FBXW7: variants seen among roughly 807,000 people sequenced by gnomAD.
The protein encoded by FBXW7 is F-box/WD repeat-containing protein 7.
Under a neutral mutation model 86.3 loss-of-function variants are expected in FBXW7, and 11 were observed. That is an observed-to-expected ratio of 0.13 (90% CI 0.08 to 0.21). The LOEUF (loss-of-function observed/expected upper bound fraction) is 0.21. Ranked by LOEUF, FBXW7 falls within the 10% of genes least tolerant of loss-of-function variation. FBXW7 has a pLI of 1.00. For synonymous variants in FBXW7, 313 were observed against 297.9 expected (o/e 1.05, Z -0.52); for missense variants, 488 against 847.4 (o/e 0.58, Z 5.27).
intron 4 of FBXW7, among the ~76,000 whole-genome samples, chr4:152,380,481 T>C (rs1463475734): frequency 1.3e-5 from 2 of 151,988 alleles, no homozygotes; most frequent in East Asian, 1.9e-4. Flanking sequence ...AATTTTAATA[T>C]GAATTTCATT....
chr4:152,457,493 A>C (rs967065269), intron 2 of FBXW7, among the ~76,000 whole-genome samples: 38 of 152,018 alleles, frequency 2.5e-4, no homozygotes, highest in African/African-American at 8.9e-4. Context: ...ATACAAAAAA[A>C]ATTAGCTGGG....
chr4:152,351,080 A>G (rs560026080), intron 4 of FBXW7, among the ~76,000 whole-genome samples: 1 of 152,172 alleles, frequency 6.6e-6, no homozygotes, highest in East Asian at 1.9e-4. Context: ...TAATCACTGT[A>G]TTACTGCAAG....
chr4:152,479,727 T>C (rs2149667071), intron 2 of FBXW7, among the ~76,000 whole-genome samples: 2 of 152,282 alleles, frequency 1.3e-5, no homozygotes, highest in Middle Eastern at 6.8e-3. Flanking sequence ...GAACATGGTA[T>C]CAGGCTGTCC....
intron 2 of FBXW7, among the ~76,000 whole-genome samples, chr4:152,475,727 T>A (rs1212227062): frequency 6.6e-6 from 1 of 152,052 alleles, no homozygotes; most frequent in Non-Finnish European, 1.5e-5. Context: ...AGTTAGTACA[T>A]CAAAAATTTT....
intron 4 of FBXW7, among the ~76,000 whole-genome samples, chr4:152,363,727 G>C (rs1167610781): frequency 6.6e-6 from 1 of 152,026 alleles, no homozygotes; most frequent in Non-Finnish European, 1.5e-5. Context: ...ACTCTTCCTA[G>C]GTGTTTTTCT....
chr4:152,530,139 A>G (rs1749895200), intron 2 of FBXW7: 1 of 151,434 alleles, frequency 6.6e-6, no homozygotes, highest in Admixed American at 6.6e-5. Flanking sequence ...ATATATACGT[A>G]TATATATGTA....
chr4:152,466,668 C>T (rs1053442863), intron 2 of FBXW7, among the ~76,000 whole-genome samples: 5 of 152,038 alleles, frequency 3.3e-5, no homozygotes, highest in African/African-American at 1.2e-4. Context: ...CTGGGTTGGG[C>T]GTGGTGGCTC....
Position 152,404,897 on chromosome 4 carries a change from AG to A in FBXW7, c.501+6405del. On this transcript the variant is annotated intron_variant, in intron 4 of 13. Transcript: ENST00000281708. The stretch of plus-strand genomic sequence containing the variant: ...CACCAGAGCTCAGGAGTTTGAGACC[AG>A]GGTGGGCAACATAGTAAGACCTTGT... Among the ~76,000 whole-genome samples the A allele has an allele frequency of 2.0e-5, 3 of 152,194 alleles. No homozygotes were observed. The East Asian group carries it at 5.8e-4, about 29-fold the overall frequency.
chr4:152,355,601 A>G (rs1732294253), intron 4 of FBXW7, among the ~76,000 whole-genome samples: 1 of 152,138 alleles, frequency 6.6e-6, no homozygotes, highest in South Asian at 2.1e-4. Flanking sequence ...CATTTCTCCC[A>G]TTCTATAAAA....
intron 2 of FBXW7, among the ~76,000 whole-genome samples, chr4:152,428,960 C>T (rs1240078645): frequency 5.3e-5 from 8 of 152,118 alleles, no homozygotes; most frequent in Admixed American, 1.3e-4. Flanking sequence ...GAGGCCAAGG[C>T]GGGTGGATCA....
In FBXW7 at chr4:152,324,398, CA is replaced by C; in HGVS notation, c.1645-5del. ...TCACCACATGGATACCATCAAACTA[CA>C]AAAGACACAGTTTATTAGAATAGAA... On this transcript the variant is annotated splice_region_variant and splice_polypyrimidine_tract_variant and intron_variant, in intron 12 of 13. Coordinates refer to ENST00000281708, the MANE Select transcript of FBXW7 (RefSeq NM_001349798.2). 2 of 1,574,168 alleles carry C rather than the reference CA, an allele frequency of 1.3e-6. No homozygotes were observed. Among genetic ancestry groups the C allele is most frequent in the South Asian group, 2.3e-5 (2 of 87,372 alleles).
chr4:152,486,510 CACAA>C (rs1234058391), intron 2 of FBXW7, among the ~76,000 whole-genome samples: 2 of 152,032 alleles, frequency 1.3e-5, no homozygotes, highest in South Asian at 2.1e-4. Context: ...AAACCTAAGA[CACAA>C]ACAAACACAT....
At chr4:152,437,879 A>C (rs996628874) in intron 2 of FBXW7, among the ~76,000 whole-genome samples, 13 of 152,188 alleles carry the variant, frequency 8.5e-5, no homozygotes, top group African/African-American at 3.1e-4. Context: ...TTTTTTAGCA[A>C]TCAAGTATTT....
chr4:152,500,829 T>G (rs557031487), intron 2 of FBXW7, among the ~76,000 whole-genome samples: 8 of 152,258 alleles, frequency 5.3e-5, no homozygotes, highest in African/African-American at 1.4e-4. Flanking sequence ...ATTTAAAAAG[T>G]GGGTATTTAT....
intron 4 of FBXW7, among the ~76,000 whole-genome samples, chr4:152,380,462 T>A (rs1387175521): frequency 6.6e-6 from 1 of 151,902 alleles, no homozygotes; most frequent in Non-Finnish European, 1.5e-5. Context: ...TTTTTAAATA[T>A]CTTCTAAAAA....
intron 2 of FBXW7, among the ~76,000 whole-genome samples, chr4:152,517,111 C>T (rs975080157): frequency 6.6e-6 from 1 of 152,212 alleles, no homozygotes; most frequent in African/African-American, 2.4e-5. Context: ...GCATGAGCTA[C>T]CGTGCCAGGC....
Position 152,445,433 on chromosome 4 carries a change from G to A in FBXW7, c.-119-32904C>T, listed in dbSNP as rs141754061. On this transcript the variant is annotated intron_variant, in intron 2 of 13. Transcript: ENST00000281708. ...ATACTTATCAGAAATTTCAAAATCCGAAGCGCTTCAATGAGCACTTCCTTT... is the reference window on the plus strand; with the variant it reads ...ATACTTATCAGAAATTTCAAAATCCAAAGCGCTTCAATGAGCACTTCCTTT... Among the ~76,000 whole-genome samples the A allele has an allele frequency of 4.6e-5, 7 of 152,226 alleles. No individual in the cohort carries two copies. In the East Asian group the frequency reaches 7.7e-4, roughly 17 times the overall value.
intron 4 of FBXW7, among the ~76,000 whole-genome samples, chr4:152,403,901 T>C (rs1464811002): frequency 6.6e-6 from 1 of 152,180 alleles, no homozygotes; most frequent in East Asian, 1.9e-4. Flanking sequence ...AAAATATTCA[T>C]GTTTAGAGAG....
chr4:152,331,636 G>C (rs762549703), intron 8 of FBXW7, among the ~76,000 whole-genome samples: 1 of 151,960 alleles, frequency 6.6e-6, no homozygotes, highest in Non-Finnish European at 1.5e-5. Context: ...GAACACAGAT[G>C]GTAGTGAATC....
Sources: allele counts gnomAD v4.1 joint callset (sites outside exome capture counted in the v4.1 genomes callset), GRCh38; gene constraint gnomAD v4.1.1; transcripts MANE v1.5; gene names NCBI Gene and HGNC (gene_info 2026-07-23, HGNC 2026-07-21).